MYRIP: variants seen among roughly 807,000 people sequenced by gnomAD.
The protein encoded by MYRIP is myosin VIIA and Rab interacting protein.
A neutral mutation model predicts 98.0 loss-of-function variants in MYRIP; 49 were observed. The ratio of observed to expected loss-of-function variants is 0.50; its 90% CI spans 0.40 to 0.63. The LOEUF is 0.63. Among genes scored for constraint, MYRIP ranks in the 30% least tolerant of loss-of-function variants. The pLI, the probability that MYRIP is intolerant of heterozygous loss-of-function variation, is 0.00. For synonymous variants in MYRIP, 404 were observed against 409.5 expected (o/e 0.99, Z 0.16); for missense variants, 1,004 against 1,058.2 (o/e 0.95, Z 0.71).
intron 11 of MYRIP, among the ~76,000 whole-genome samples, chr3:40,232,009 A>G (rs6599081): frequency 0.93 from 140,839 of 152,254 alleles, 65,287 homozygotes; most frequent in Middle Eastern, 0.95. Flanking sequence ...TCAAGCTACA[A>G]GGTCCTGAAA....
chr3:40,174,692 T>C (rs1172490327), intron 8 of MYRIP: 1 of 152,234 alleles, frequency 6.6e-6, no homozygotes, highest in African/African-American at 2.4e-5. Context: ...AAGCCTGGAC[T>C]TGAACCTTTC....
intron 2 of MYRIP, among the ~76,000 whole-genome samples, chr3:39,949,409 C>G (rs1461064482): frequency 1.3e-5 from 2 of 152,104 alleles, no homozygotes; most frequent in Non-Finnish European, 2.9e-5. Flanking sequence ...AAACATAATA[C>G]ACTCAATGTT....
At chr3:39,890,859 A>G (rs1047193600) in intron 1 of MYRIP, among the ~76,000 whole-genome samples, 1 of 152,096 alleles carries the variant, frequency 6.6e-6, no homozygotes, top group African/African-American at 2.4e-5. Context: ...CAGCTGATCA[A>G]TGCTTCCTGT....
chr3:40,075,310 G>A (rs1344189851), intron 3 of MYRIP, among the ~76,000 whole-genome samples: 42 of 152,166 alleles, frequency 2.8e-4, no homozygotes. Flanking sequence ...ACTTATTAAA[G>A]CATTGTTTCT....
At chr3:39,916,691 A>G (rs2125686016) in intron 2 of MYRIP, among the ~76,000 whole-genome samples, 1 of 152,214 alleles carries the variant, frequency 6.6e-6, no homozygotes, top group East Asian at 1.9e-4. Context: ...CTCATTTGTA[A>G]TCTTATTGGG....
chr3:40,139,264 A>G (rs1245750933), intron 3 of MYRIP, among the ~76,000 whole-genome samples: 1 of 152,192 alleles, frequency 6.6e-6, no homozygotes. Flanking sequence ...TTAAGGTATA[A>G]TTTACAAAGA....
At chr3:40,136,712 A>G (rs1411103354) in intron 3 of MYRIP, among the ~76,000 whole-genome samples, 1 of 152,214 alleles carries the variant, frequency 6.6e-6, no homozygotes, top group Non-Finnish European at 1.5e-5. Flanking sequence ...ATCAAACTAG[A>G]ACTCAGGATT....
At position 40,258,123 on chromosome 3, in the gene MYRIP, TCTCAC is replaced by T. The variant is rs775659210; in HGVS notation, c.2548-6_2548-2del. 1 of 1,614,210 alleles carries T rather than the reference TCTCAC, an allele frequency of 6.2e-7. No individual in the cohort carries two copies. The highest frequency in any genetic ancestry group is 1.7e-5 in the Admixed American group (1 of 60,024). ...GTGGCTGATGGGAGTGTGTTCAATG[TCTCAC>T]CTCAGGAGCCTGCTCTGGAGTCAGC... On this transcript the variant is annotated splice_polypyrimidine_tract_variant and splice_region_variant and intron_variant, in intron 16 of 16. Transcript: ENST00000302541.
In MYRIP at chr3:40,146,799, A is replaced by C. The variant is rs536465591; in HGVS notation, c.333-4249A>C. 2.0e-5 allele frequency among the ~76,000 whole-genome samples: 3 copies of C among 152,072 alleles called. No homozygotes were observed. In the East Asian group the frequency reaches 5.8e-4, roughly 29 times the overall value. On this transcript the variant is annotated intron_variant, in intron 3 of 16. Transcript: ENST00000302541. ...TATGCACACACACACACCCCACCACAAGTTCCAGGACCCCTCCCAATCTCT... is the reference window on the plus strand; with the variant it reads ...TATGCACACACACACACCCCACCACCAGTTCCAGGACCCCTCCCAATCTCT...
At chr3:39,818,869 A>C (rs1440831348) in intron 1 of MYRIP, among the ~76,000 whole-genome samples, 1 of 152,222 alleles carries the variant, frequency 6.6e-6, no homozygotes, top group African/African-American at 2.4e-5. Flanking sequence ...TGTATCTGTC[A>C]CATTAAGGAG....
intron 15 of MYRIP, 147 bp from the exon 16 acceptor site, chr3:40,251,734 A>C (rs1953382732): frequency 4.9e-6 from 3 of 607,046 alleles, no homozygotes; most frequent in Non-Finnish European, 8.8e-6. Context: ...ACAAAACAAA[A>C]AGATCCCATA....
At chr3:40,059,362 T>A (rs368325231) in intron 3 of MYRIP, among the ~76,000 whole-genome samples, 1 of 152,208 alleles carries the variant, frequency 6.6e-6, no homozygotes, top group African/African-American at 2.4e-5. Context: ...TGCCACACTG[T>A]CTTCCACAAT....
At chr3:39,845,936 A>G (rs912656814) in intron 1 of MYRIP, among the ~76,000 whole-genome samples, 8 of 152,070 alleles carry the variant, frequency 5.3e-5, no homozygotes, top group African/African-American at 1.4e-4. Flanking sequence ...TCAAATTTCA[A>G]TTATTTATGT....
chr3:39,883,059 A>T (rs1455624727), intron 1 of MYRIP, among the ~76,000 whole-genome samples: 1 of 152,176 alleles, frequency 6.6e-6, no homozygotes, highest in Non-Finnish European at 1.5e-5. Context: ...GGGCACAATG[A>T]TCCAAGAATG....
chr3:40,101,095 T>A (rs1948935640), intron 3 of MYRIP, among the ~76,000 whole-genome samples: 1 of 152,200 alleles, frequency 6.6e-6, no homozygotes, highest in South Asian at 2.1e-4. Context: ...AATAATATGC[T>A]TACCCTTTTT....
chr3:40,102,362 A>G (rs1158194315), intron 3 of MYRIP, among the ~76,000 whole-genome samples: 1 of 152,188 alleles, frequency 6.6e-6, no homozygotes, highest in Non-Finnish European at 1.5e-5. Context: ...GGGCTCTGAT[A>G]TATGAATCAG....
intron 2 of MYRIP, among the ~76,000 whole-genome samples, chr3:40,024,982 A>T (rs1023029565): frequency 1.3e-5 from 2 of 152,218 alleles, no homozygotes; most frequent in Admixed American, 1.3e-4. Flanking sequence ...TTTCTGCAAC[A>T]AGCATTTCAG....
At chr3:39,897,553 G>T (rs528719098) in intron 1 of MYRIP, among the ~76,000 whole-genome samples, 1 of 152,290 alleles carries the variant, frequency 6.6e-6, no homozygotes, top group African/African-American at 2.4e-5. Context: ...CACCTGAACT[G>T]GCTATGTGTC....
At chr3:39,876,814 T>C (rs1345321963) in intron 1 of MYRIP, among the ~76,000 whole-genome samples, 1 of 152,060 alleles carries the variant, frequency 6.6e-6, no homozygotes, top group Non-Finnish European at 1.5e-5. Context: ...CTGACAATTA[T>C]GTGTCTTGGA....
Sources: gnomAD v4.1 joint callset for allele counts (sites outside exome capture counted in the v4.1 genomes callset) on GRCh38, gnomAD v4.1.1 for gene constraint, MANE v1.5 for transcripts, NCBI Gene and HGNC (gene_info 2026-07-23, HGNC 2026-07-21) for gene names.